The following ST6GALNAC3 variants were observed in gnomAD, a reference collection of about 807,000 sequenced individuals.
ST6GALNAC3 encodes the protein alpha-N-acetylgalactosaminide alpha-2,6-sialyltransferase 3.
A neutral mutation model predicts 32.7 loss-of-function variants in ST6GALNAC3; 25 were observed. That is an observed-to-expected ratio of 0.76 (90% CI 0.56 to 1.07). The LOEUF (loss-of-function observed/expected upper bound fraction) is 1.07. Among genes scored for constraint, ST6GALNAC3 ranks in the 50% least tolerant of loss-of-function variants. The pLI is 0.00. For synonymous variants in ST6GALNAC3, 129 were observed against 133.1 expected, an observed-to-expected ratio of 0.97 and a Z score of 0.21; for missense variants, 355 against 382.4, an observed-to-expected ratio of 0.93 and a Z score of 0.60.
At chr1:76,417,324 A>T (rs921172822) in intron 3 of ST6GALNAC3, among the ~76,000 whole-genome samples, 2 of 151,952 alleles carry the variant, frequency 1.3e-5, no homozygotes, top group African/African-American at 4.8e-5. Context: ...AATTCTACAG[A>T]ACTTTCATTT....
chr1:76,197,772 GC>G (rs1292423105), intron 1 of ST6GALNAC3, among the ~76,000 whole-genome samples: 1 of 152,168 alleles, frequency 6.6e-6, no homozygotes, highest in Non-Finnish European at 1.5e-5. Flanking sequence ...GGGTTTCTCA[GC>G]CTTAGCACTA....
intron 1 of ST6GALNAC3, among the ~76,000 whole-genome samples, chr1:76,158,186 A>G (rs1651581942): frequency 6.6e-6 from 1 of 152,234 alleles, no homozygotes; most frequent in Non-Finnish European, 1.5e-5. Context: ...TGCTGCCAGA[A>G]TTTGAATCCT....
rs530047288 is a variant in ST6GALNAC3 at position 76,569,108 on chromosome 1, A to G, written c.624-58344A>G. Among the ~76,000 whole-genome samples, 4 of 152,256 alleles carry G rather than the reference A, an allele frequency of 2.6e-5. No individual in the cohort carries two copies. In the East Asian group the frequency reaches 5.8e-4, roughly 22 times the overall value. ...CTCCTTTTTCAGCAGTTGATCCACT[A>G]TTCTCTAGGGAAATGAATGAAGGGC... On this transcript the variant is annotated intron_variant, in intron 3 of 4. Coordinates refer to ENST00000328299, the MANE Select transcript of ST6GALNAC3 (RefSeq NM_152996.4).
chr1:76,476,001 C>T (rs1327005559), intron 3 of ST6GALNAC3, among the ~76,000 whole-genome samples: 1 of 152,184 alleles, frequency 6.6e-6, no homozygotes, highest in African/African-American at 2.4e-5. Context: ...TTTCCAGCTT[C>T]ATCCATGTCC....
At chr1:76,146,945 C>G (rs1383668232) in intron 1 of ST6GALNAC3, among the ~76,000 whole-genome samples, 1 of 152,096 alleles carries the variant, frequency 6.6e-6, no homozygotes. Context: ...ACATGCTTCT[C>G]TCCATCTCAT....
intron 1 of ST6GALNAC3, among the ~76,000 whole-genome samples, chr1:76,134,531 C>T (rs1649815916): frequency 6.6e-6 from 1 of 152,190 alleles, no homozygotes; most frequent in South Asian, 2.1e-4. Context: ...GGTTAGGAGA[C>T]AGGTCAGAGA....
At chr1:76,107,812 C>A (rs1002114795) in intron 1 of ST6GALNAC3, among the ~76,000 whole-genome samples, 8 of 152,206 alleles carry the variant, frequency 5.3e-5, no homozygotes, top group Admixed American at 5.2e-4. Flanking sequence ...TTTCTGTCCT[C>A]TCCCTCTCTC....
chr1:76,184,732 C>A (rs7552671), intron 1 of ST6GALNAC3, among the ~76,000 whole-genome samples: 1 of 151,962 alleles, frequency 6.6e-6, no homozygotes, highest in Non-Finnish European at 1.5e-5. Flanking sequence ...AATCGGGGCT[C>A]ACTCTACAGA....
Position 76,400,355 on chromosome 1 carries a change from T to G in ST6GALNAC3, c.214-11653T>G, listed in dbSNP as rs140242250. The stretch of plus-strand genomic sequence containing the variant: ...TATTGCAAATTACATTAATTTATTT[T>G]TCTCCCCAACTTTTTTTGTTGTGAA... On this transcript the variant is annotated intron_variant, in intron 2 of 4. Coordinates refer to ENST00000328299, the MANE Select transcript of ST6GALNAC3 (RefSeq NM_152996.4). Among the ~76,000 whole-genome samples, 70 of 152,314 alleles carry G rather than the reference T, an allele frequency of 4.6e-4. 1 individual carries two copies. The highest frequency in any genetic ancestry group is 1.6e-3 in the African/African-American group (67 of 41,580).
At chr1:76,367,189 G>T (rs12076310) in intron 2 of ST6GALNAC3, among the ~76,000 whole-genome samples, 2 of 152,040 alleles carry the variant, frequency 1.3e-5, no homozygotes, top group Admixed American at 6.6e-5. Flanking sequence ...TAAACTATAT[G>T]TGAAATTTTC....
intron 3 of ST6GALNAC3, among the ~76,000 whole-genome samples, chr1:76,618,417 T>G (rs1648431105): frequency 6.6e-6 from 1 of 152,098 alleles, no homozygotes; most frequent in African/African-American, 2.4e-5. Context: ...ATATTAGTAC[T>G]CCCCACAGGA....
In ST6GALNAC3 at chr1:76,336,403, A is replaced by G. The variant is rs776219445; in HGVS notation, c.213+22404A>G. ...AATAAGTGAATCCCAAGACAATGGTATAGAGGTCTCTAATTCCAAACAGTA... is the reference window on the plus strand; with the variant it reads ...AATAAGTGAATCCCAAGACAATGGTGTAGAGGTCTCTAATTCCAAACAGTA... On this transcript the variant is annotated intron_variant, in intron 2 of 4. Transcript: ENST00000328299. Among the ~76,000 whole-genome samples, 9 of 152,350 alleles carry G rather than the reference A, an allele frequency of 5.9e-5. No homozygotes were observed. The South Asian group carries it at 1.4e-3, about 25-fold the overall frequency.
At chr1:76,186,260 G>T (rs985970528) in intron 1 of ST6GALNAC3, among the ~76,000 whole-genome samples, 1 of 152,138 alleles carries the variant, frequency 6.6e-6, no homozygotes, top group African/African-American at 2.4e-5. Flanking sequence ...CCACACCCTG[G>T]AGTTTCTCCA....
At chr1:76,154,545 C>A (rs544675738) in intron 1 of ST6GALNAC3, among the ~76,000 whole-genome samples, 1 of 152,172 alleles carries the variant, frequency 6.6e-6, no homozygotes, top group East Asian at 1.9e-4. Flanking sequence ...GTTAGTGAAA[C>A]GTGATTGTAA....
intron 3 of ST6GALNAC3, among the ~76,000 whole-genome samples, chr1:76,479,429 C>T (rs1430516793): frequency 6.6e-6 from 1 of 152,128 alleles, no homozygotes; most frequent in Non-Finnish European, 1.5e-5. Flanking sequence ...AATGATCAGG[C>T]TGCGTGACTT....
intron 3 of ST6GALNAC3, among the ~76,000 whole-genome samples, chr1:76,585,209 A>AC (rs1247638903): frequency 6.6e-6 from 1 of 151,972 alleles, no homozygotes; most frequent in Non-Finnish European, 1.5e-5. Context: ...ACATGGTGAA[A>AC]CCCCATCTCT....
chr1:76,076,050 T>G (rs1234198011), intron 1 of ST6GALNAC3, among the ~76,000 whole-genome samples: 1 of 152,202 alleles, frequency 6.6e-6, no homozygotes, highest in African/African-American at 2.4e-5. Flanking sequence ...GATCAGAAGT[T>G]TCCTGTGAGC....
chr1:76,440,395 C>T (rs1656489935), intron 3 of ST6GALNAC3, among the ~76,000 whole-genome samples: 1 of 152,182 alleles, frequency 6.6e-6, no homozygotes, highest in Admixed American at 6.5e-5. Flanking sequence ...AGCTCAGTGA[C>T]TAACTGCTTA....
chr1:76,314,904 G>T (rs1173859078), intron 2 of ST6GALNAC3, among the ~76,000 whole-genome samples: 3 of 152,096 alleles, frequency 2.0e-5, no homozygotes, highest in African/African-American at 7.2e-5. Flanking sequence ...GTAGAGTCAT[G>T]CATGGAATGC....
Sources: allele counts gnomAD v4.1 joint callset (sites outside exome capture counted in the v4.1 genomes callset), GRCh38; gene constraint gnomAD v4.1.1; transcripts MANE v1.5; gene names NCBI Gene and HGNC (gene_info 2026-07-23, HGNC 2026-07-21).